Variants in UGT1A7 observed in about 807,000 individuals in gnomAD.
UGT1A7 encodes the protein UDP glucuronosyltransferase family 1 member A7.
In UGT1A7, 33 loss-of-function variants were observed where a neutral mutation model predicts 45.6. That is an observed-to-expected ratio of 0.72 (90% CI 0.55 to 0.97). UGT1A7 has a LOEUF of 0.97. Ranked by LOEUF, UGT1A7 falls within the 50% of genes least tolerant of loss-of-function variation. UGT1A7 has a pLI of 0.00. For synonymous variants in UGT1A7, 274 were observed against 250.6 expected, an observed-to-expected ratio of 1.09 and a Z score of -0.88; for missense variants, 684 against 666.2, an observed-to-expected ratio of 1.03 and a Z score of -0.29.
At chr2:233,758,613 T>TGCATGC (rs1429486776) in intron 1 of UGT1A7, among the ~76,000 whole-genome samples, 2 of 152,164 alleles carry the variant, frequency 1.3e-5, no homozygotes, top group Non-Finnish European at 2.9e-5. Flanking sequence ...AGTGTGCATG[T>TGCATGC]GCATGCAAAG....
intron 1 of UGT1A7, among the ~76,000 whole-genome samples, chr2:233,692,589 C>T (rs2075104248): frequency 1.3e-5 from 2 of 152,096 alleles, no homozygotes; most frequent in Non-Finnish European, 1.5e-5. Context: ...AGAATAGGTC[C>T]GTGTGCAAGA....
intron 1 of UGT1A7, among the ~76,000 whole-genome samples, chr2:233,684,106 A>C (rs1213286130): frequency 6.6e-6 from 1 of 152,136 alleles, no homozygotes; most frequent in African/African-American, 2.4e-5. Context: ...ATTTTTATCT[A>C]TTGTTCTGGC....
chr2:233,739,455 G>C (rs1296247158), intron 1 of UGT1A7, among the ~76,000 whole-genome samples: 14 of 152,240 alleles, frequency 9.2e-5, no homozygotes, highest in Admixed American at 9.2e-4. Flanking sequence ...CCACAGGGTT[G>C]GAGCTGCCTG....
chr2:233,682,765 C>A lies in UGT1A7; in HGVS notation c.828C>A (p.Asn276Lys), dbSNP rs141393523. The A allele has an allele frequency of 3.5e-3, 5,647 of 1,613,716 alleles. 18 individuals are homozygous for A. The highest frequency in any genetic ancestry group is 4.4e-3 in the Non-Finnish European group (5,243 of 1,179,658). ...ATATGATCTTCATTGGTGGTATCAA[C>A]TGTCATCAGGGAAAGCCAGTGCCTA... ...MPNMIFIGGI[N>K]CHQGKPVPME... The change falls in exon 1 of 5, where the codon AAC becomes AAA. Residue 276 changes from asparagine to lysine, a missense_variant. Transcript: ENST00000373426.
intron 1 of UGT1A7, among the ~76,000 whole-genome samples, chr2:233,695,529 T>C (rs774353867): frequency 6.6e-6 from 1 of 152,094 alleles, no homozygotes; most frequent in Non-Finnish European, 1.5e-5. Context: ...ATTTCTTTTT[T>C]CTTTTTCTTT....
chr2:233,729,062 G>A (rs930563151), intron 1 of UGT1A7: 176 of 1,610,848 alleles, frequency 1.1e-4, no homozygotes, highest in Admixed American at 1.2e-4. Context: ...TAATTAAGAT[G>A]AAGAAAGCAA....
chr2:233,747,703 AC>A, intron 1 of UGT1A7: 1 of 1,612,262 alleles, frequency 6.2e-7, no homozygotes, highest in Non-Finnish European at 8.5e-7. Context: ...CTGGCTAAGT[AC>A]CTATCAATTC....
intron 1 of UGT1A7, chr2:233,719,659 A>G: frequency 1.9e-6 from 3 of 1,614,092 alleles, no homozygotes; most frequent in South Asian, 1.1e-5. Context: ...GGGGGCATCA[A>G]CTGTGCCAAC....
chr2:233,724,297 C>A (rs2077212322), intron 1 of UGT1A7, among the ~76,000 whole-genome samples: 2 of 146,144 alleles, frequency 1.4e-5, no homozygotes, highest in South Asian at 4.7e-4. Flanking sequence ...GCTGACCCCC[C>A]CACCTCCCTC....
At chr2:233,747,014 C>T (rs774665109) in intron 1 of UGT1A7, among the ~76,000 whole-genome samples, 7 of 151,838 alleles carry the variant, frequency 4.6e-5, no homozygotes, top group Non-Finnish European at 1.0e-4. Context: ...TAGGAGTGAT[C>T]GGTCTTTCCC....
intron 1 of UGT1A7, chr2:233,753,459 T>G (rs1411436879): frequency 6.6e-6 from 1 of 152,232 alleles, no homozygotes; most frequent in Non-Finnish European, 1.5e-5. Context: ...CCATGATTTT[T>G]CTGTAAAAAA....
chr2:233,713,340 A>C (rs28946884), intron 1 of UGT1A7: 2 of 1,614,260 alleles, frequency 1.2e-6, no homozygotes, highest in Non-Finnish European at 1.7e-6. Context: ...AATGGCAATT[A>C]TGAACAATAT....
intron 1 of UGT1A7, chr2:233,691,268 C>A: frequency 3.0e-6 from 3 of 985,530 alleles, no homozygotes; most frequent in Non-Finnish European, 3.6e-6. Flanking sequence ...ATGCTGCCGC[C>A]CCCATGACTT....
chr2:233,750,987 C>T lies in UGT1A7; in HGVS notation c.856-16047C>T, dbSNP rs140441181. 4.4e-3 allele frequency among the ~76,000 whole-genome samples: 664 copies of T among 151,836 alleles called. 16 individuals are homozygous for T. Among genetic ancestry groups the T allele is most frequent in the African/African-American group, 0.015 (615 of 41,178 alleles). On this transcript the variant is annotated intron_variant, in intron 1 of 4. Transcript: ENST00000373426. ...ACTGCCTAGTGGAGTTGTGAGAAGG[C>T]GGCCACCATCCTCCAGAATCCCAAA...
intron 1 of UGT1A7, among the ~76,000 whole-genome samples, chr2:233,758,259 G>T (rs1163749283): frequency 6.6e-6 from 1 of 152,184 alleles, no homozygotes; most frequent in Non-Finnish European, 1.5e-5. Context: ...AGATTAGTAA[G>T]TATTTCTTGG....
At chr2:233,692,915 C>T in intron 1 of UGT1A7, 1 of 1,562,208 alleles carries the variant, frequency 6.4e-7, no homozygotes, top group Non-Finnish European at 8.6e-7. Flanking sequence ...CTGTGAAAAG[C>T]AGTGGTTAGT....
Position 233,746,688 on chromosome 2 carries a change from A to G in UGT1A7, c.856-20346A>G, listed in dbSNP as rs575730371. 2.2e-4 allele frequency among the ~76,000 whole-genome samples: 34 copies of G among 151,888 alleles called. 2 individuals carry two copies. The highest frequency in any genetic ancestry group is 7.5e-4 in the African/African-American group (31 of 41,174). On this transcript the variant is annotated intron_variant, in intron 1 of 4. Transcript: ENST00000373426. The stretch of plus-strand genomic sequence containing the variant: ...CTAGCATAGTAGGTAGGGCTCACAC[A>G]TTCCATAAATATTTGGTGGATAAGG...
intron 1 of UGT1A7, chr2:233,755,127 T>C: frequency 7.6e-7 from 1 of 1,323,488 alleles, no homozygotes; most frequent in Non-Finnish European, 1.0e-6. Context: ...CTCAGCCACC[T>C]GCTTGAATCT....
In UGT1A7 at chr2:233,693,744, A is replaced by G. The variant is rs533205358; in HGVS notation, c.855+10952A>G. ...AGAGATGTGGATATAATCACCTTAT[A>G]TCAGAAGGTCTCTGTTTGGCTGTTA... On this transcript the variant is annotated intron_variant, in intron 1 of 4. Transcript: ENST00000373426. 103 of 1,614,126 alleles carry G rather than the reference A, an allele frequency of 6.4e-5. No homozygotes were observed. The highest frequency in any genetic ancestry group is 7.9e-5 in the Non-Finnish European group (93 of 1,180,050).
Sources: allele counts gnomAD v4.1 joint callset (sites outside exome capture counted in the v4.1 genomes callset), GRCh38; gene constraint gnomAD v4.1.1; transcripts MANE v1.5; gene names NCBI Gene and HGNC (gene_info 2026-07-23, HGNC 2026-07-21).